GRIP1: variants seen among roughly 807,000 people sequenced by gnomAD.
GRIP1 encodes glutamate receptor interacting protein 1.
In GRIP1, 45 loss-of-function variants were observed where a neutral mutation model predicts 129.9. That is an observed-to-expected ratio of 0.35 (90% CI 0.27 to 0.44). The LOEUF (loss-of-function observed/expected upper bound fraction) is 0.44, where lower values mean the gene tolerates loss of function less well. GRIP1 is among the 20% of genes least tolerant of loss of function. GRIP1 has a pLI of 1.00. For missense variants in GRIP1, 1,196 were observed against 1,396.8 expected (o/e 0.86, Z 2.29); for synonymous variants, 530 against 520.8 (o/e 1.02, Z -0.24).
chr12:66,644,317 T>C (rs1371333846), intron 1 of GRIP1, among the ~76,000 whole-genome samples: 1 of 152,156 alleles, frequency 6.6e-6, no homozygotes, highest in Admixed American at 6.6e-5. Flanking sequence ...GTGTTCATTT[T>C]TCCTTTTGTG....
intron 1 of GRIP1, among the ~76,000 whole-genome samples, chr12:66,731,420 A>G (rs927968942): frequency 5.3e-5 from 8 of 152,228 alleles, no homozygotes; most frequent in Non-Finnish European, 8.8e-5. Context: ...TGCTATAACC[A>G]CATAAGATCA....
intron 14 of GRIP1, among the ~76,000 whole-genome samples, chr12:66,425,859 T>C (rs1252189898): frequency 1.3e-5 from 2 of 152,020 alleles, no homozygotes; most frequent in Non-Finnish European, 2.9e-5. Context: ...CATTAGGAGA[T>C]ATACCTAATG....
At chr12:66,404,733 G>A (rs892380233) in intron 16 of GRIP1, among the ~76,000 whole-genome samples, 3 of 152,078 alleles carry the variant, frequency 2.0e-5, no homozygotes, top group Admixed American at 1.3e-4. Context: ...ATAAGGGTTC[G>A]TTAGGCAAAA....
intron 1 of GRIP1, among the ~76,000 whole-genome samples, chr12:66,802,427 G>A (rs2038884958): frequency 6.6e-6 from 1 of 152,122 alleles, no homozygotes; most frequent in Non-Finnish European, 1.5e-5. Flanking sequence ...TTCACTTAAT[G>A]TATAAAGACT....
intron 1 of GRIP1, among the ~76,000 whole-genome samples, chr12:66,734,040 GC>G (rs1281385749): frequency 6.6e-6 from 1 of 152,096 alleles, no homozygotes; most frequent in Non-Finnish European, 1.5e-5. Context: ...GAAATGTGGG[GC>G]CCACACAGCA....
At chr12:66,678,735 T>A in intron 1 of GRIP1, 115 bp downstream of exon 1, 1 of 931,204 alleles carries the variant, frequency 1.1e-6, no homozygotes, top group Non-Finnish European at 1.7e-6. Context: ...CTGAGTTCTT[T>A]GTTGCCTGAC....
intron 1 of GRIP1, among the ~76,000 whole-genome samples, chr12:66,690,267 T>A (rs2136311571): frequency 6.6e-6 from 1 of 152,194 alleles, no homozygotes. Context: ...CATATAATAT[T>A]GGTCTTTCTG....
At chr12:66,976,535 G>A (rs1341864284) in intron 1 of GRIP1, among the ~76,000 whole-genome samples, 2 of 151,944 alleles carry the variant, frequency 1.3e-5, no homozygotes, top group Admixed American at 6.6e-5. Flanking sequence ...CCAACTAAAG[G>A]GTAGGTTCAT....
chr12:67,043,029 C>T (rs1282337510), intron 1 of GRIP1, among the ~76,000 whole-genome samples: 3 of 152,184 alleles, frequency 2.0e-5, no homozygotes, highest in Non-Finnish European at 4.4e-5. Flanking sequence ...AGCCCTGGCT[C>T]TAAATGGCCT....
intron 2 of GRIP1, among the ~76,000 whole-genome samples, chr12:66,579,741 G>T (rs2063296521): frequency 6.6e-6 from 1 of 152,046 alleles, no homozygotes; most frequent in East Asian, 1.9e-4. Context: ...AAGCCTCCAA[G>T]AAATATGGGA....
At chr12:66,625,807 T>G (rs2029945726) in intron 1 of GRIP1, among the ~76,000 whole-genome samples, 1 of 152,102 alleles carries the variant, frequency 6.6e-6, no homozygotes. Flanking sequence ...ATAAATAGAA[T>G]AAAGAGTATA....
chr12:66,734,538 T>C (rs1661170659), intron 1 of GRIP1, among the ~76,000 whole-genome samples: 1 of 152,210 alleles, frequency 6.6e-6, no homozygotes, highest in South Asian at 2.1e-4. Flanking sequence ...AACTGTACTT[T>C]AAAGAAGGAA....
chr12:66,743,912 C>T (rs1279217843), intron 1 of GRIP1, among the ~76,000 whole-genome samples: 1 of 152,184 alleles, frequency 6.6e-6, no homozygotes, highest in Non-Finnish European at 1.5e-5. Flanking sequence ...ACAGTAGCTT[C>T]TCTACCTTCC....
chr12:66,631,176 G>T (rs1265390916), intron 1 of GRIP1, among the ~76,000 whole-genome samples: 1 of 152,264 alleles, frequency 6.6e-6, no homozygotes, highest in South Asian at 2.1e-4. Context: ...GACCTCAAGT[G>T]ATCTGCCTGT....
At chr12:66,515,005 G>C (rs2138919529) in intron 7 of GRIP1, among the ~76,000 whole-genome samples, 1 of 152,170 alleles carries the variant, frequency 6.6e-6, no homozygotes, top group Middle Eastern at 3.4e-3. Flanking sequence ...TAACATTTAA[G>C]ATCCACATGA....
intron 1 of GRIP1, among the ~76,000 whole-genome samples, chr12:66,828,958 T>A (rs994567794): frequency 6.6e-6 from 1 of 152,188 alleles, no homozygotes; most frequent in Non-Finnish European, 1.5e-5. Flanking sequence ...GATTGAAGGA[T>A]CTTTATCATT....
At chr12:66,612,629 T>C (rs2064855811) in intron 1 of GRIP1, among the ~76,000 whole-genome samples, 1 of 151,682 alleles carries the variant, frequency 6.6e-6, no homozygotes, top group Non-Finnish European at 1.5e-5. Flanking sequence ...AGTGAGACCC[T>C]GTTCAAAACA....
At chr12:66,963,319 A>C (rs1372704281) in intron 1 of GRIP1, among the ~76,000 whole-genome samples, 1 of 152,234 alleles carries the variant, frequency 6.6e-6, no homozygotes, top group Non-Finnish European at 1.5e-5. Context: ...TCTCAAAAAA[A>C]TAAATAAATA....
At chr12:66,923,833 A>C (rs1213817155) in intron 1 of GRIP1, among the ~76,000 whole-genome samples, 2 of 151,866 alleles carry the variant, frequency 1.3e-5, no homozygotes, top group Non-Finnish European at 2.9e-5. Context: ...AAATGAGATA[A>C]TTTTTCAGCA....
Sources: allele counts gnomAD v4.1 joint callset (sites outside exome capture counted in the v4.1 genomes callset), GRCh38; gene constraint gnomAD v4.1.1; transcripts MANE v1.5; gene names NCBI Gene and HGNC (gene_info 2026-07-23, HGNC 2026-07-21).